Variants in SKAP1 observed in about 807,000 individuals in gnomAD.
SKAP1 encodes src kinase associated phosphoprotein 1.
Under a neutral mutation model 58.5 loss-of-function variants are expected in SKAP1, and 44 were observed. The ratio of observed to expected loss-of-function variants is 0.75; its 90% confidence interval spans 0.59 to 0.97. The LOEUF (loss-of-function observed/expected upper bound fraction) is 0.97, where lower values mean the gene tolerates loss of function less well. Among genes scored for constraint, SKAP1 ranks in the 50% least tolerant of loss-of-function variants. The probability of loss-of-function intolerance (pLI) is 0.00; values close to 1 mark genes in which losing one functional copy is unlikely to be tolerated. For synonymous variants in SKAP1, 127 were observed against 149.7 expected (o/e 0.85, Z 1.11); for missense variants, 390 against 435.2 (o/e 0.90, Z 0.92).
chr17:48,271,198 G>T (rs2065627858), intron 4 of SKAP1, among the ~76,000 whole-genome samples: 1 of 151,874 alleles, frequency 6.6e-6, no homozygotes, highest in Non-Finnish European at 1.5e-5. Flanking sequence ...ACTTTTTTAG[G>T]CTGGCCTAAG....
chr17:48,203,889 A>T (rs972545716), intron 4 of SKAP1: 4 of 152,206 alleles, frequency 2.6e-5, no homozygotes, highest in Admixed American at 6.5e-5. Flanking sequence ...TTACAACAGT[A>T]ACATGATAAT....
chr17:48,180,956 T>C (rs2064359677), intron 8 of SKAP1, among the ~76,000 whole-genome samples: 1 of 151,746 alleles, frequency 6.6e-6, no homozygotes, highest in Admixed American at 6.6e-5. Flanking sequence ...GGGAGGGAGA[T>C]TGGTTTTTTA....
chr17:48,248,876 T>C (rs2065328587), intron 4 of SKAP1: 1 of 152,080 alleles, frequency 6.6e-6, no homozygotes. Context: ...TCATGTTATG[T>C]CTTAACATAC....
chr17:48,283,278 T>C (rs995237263), intron 4 of SKAP1, among the ~76,000 whole-genome samples: 8 of 152,136 alleles, frequency 5.3e-5, no homozygotes, highest in African/African-American at 1.7e-4. Context: ...AGGGAAGACA[T>C]GTTTAAAGTT....
At chr17:48,273,704 C>A (rs72827806) in intron 4 of SKAP1, among the ~76,000 whole-genome samples, 12,742 of 152,216 alleles carry the variant, frequency 0.084, 692 homozygotes, top group East Asian at 0.2. Flanking sequence ...CAGGGCTAAG[C>A]CACCGTGCCC....
intron 4 of SKAP1, among the ~76,000 whole-genome samples, chr17:48,283,767 C>T (rs2065796770): frequency 6.6e-6 from 1 of 152,164 alleles, no homozygotes; most frequent in South Asian, 2.1e-4. Flanking sequence ...ACAATGTGCT[C>T]TCAGTCTGCC....
intron 4 of SKAP1, among the ~76,000 whole-genome samples, chr17:48,254,533 A>C (rs1160726956): frequency 6.6e-6 from 1 of 151,918 alleles, no homozygotes. Flanking sequence ...GTTAAAGAGA[A>C]ACAAAAGAAT....
chr17:48,358,130 T>TA (rs145356912), intron 3 of SKAP1, among the ~76,000 whole-genome samples: 5,380 of 152,320 alleles, frequency 0.035, 137 homozygotes, highest in Non-Finnish European at 0.054. Flanking sequence ...GGTGGAAAGA[T>TA]ACTTAACAAT....
At chr17:48,283,883 T>C (rs753733661) in intron 4 of SKAP1, among the ~76,000 whole-genome samples, 2 of 152,208 alleles carry the variant, frequency 1.3e-5, no homozygotes, top group Non-Finnish European at 2.9e-5. Flanking sequence ...CTTCCCTCCC[T>C]GATTAATGTC....
chr17:48,273,676 C>T (rs1436929810), intron 4 of SKAP1, among the ~76,000 whole-genome samples: 1 of 152,160 alleles, frequency 6.6e-6, no homozygotes, highest in East Asian at 1.9e-4. Flanking sequence ...ACCTCGGCCC[C>T]CCAAAGTGCT....
chr17:48,312,005 A>C (rs1267171322), intron 4 of SKAP1, among the ~76,000 whole-genome samples: 1 of 152,192 alleles, frequency 6.6e-6, no homozygotes, highest in African/African-American at 2.4e-5. Flanking sequence ...TTTCTACAAA[A>C]ATCTTTCTAA....
chr17:48,376,753 C>A (rs1336776398), intron 2 of SKAP1, among the ~76,000 whole-genome samples: 1 of 152,212 alleles, frequency 6.6e-6, no homozygotes, highest in Non-Finnish European at 1.5e-5. Flanking sequence ...GAAAACCCAA[C>A]TGTGGACCAG....
chr17:48,196,088 T>G (rs1470113554), intron 4 of SKAP1, among the ~76,000 whole-genome samples: 2 of 152,228 alleles, frequency 1.3e-5, no homozygotes, highest in Non-Finnish European at 2.9e-5. Flanking sequence ...CTATGAGGCA[T>G]GTTTTATTAT....
intron 1 of SKAP1, among the ~76,000 whole-genome samples, chr17:48,421,097 T>C (rs1283980521): frequency 1.3e-5 from 2 of 152,094 alleles, no homozygotes; most frequent in African/African-American, 4.8e-5. Flanking sequence ...GCTGTGAACT[T>C]CCATGGGGAG....
chr17:48,195,906 C>CA (rs559986931), intron 4 of SKAP1, among the ~76,000 whole-genome samples: 6 of 150,632 alleles, frequency 4.0e-5, no homozygotes, highest in Admixed American at 1.3e-4. Context: ...ATACTGAAGA[C>CA]AAAAAAAACC....
At chr17:48,389,858 A>G (rs1490614435) in intron 2 of SKAP1, among the ~76,000 whole-genome samples, 1 of 152,212 alleles carries the variant, frequency 6.6e-6, no homozygotes, top group Non-Finnish European at 1.5e-5. Context: ...TTCCTGCATC[A>G]CATTCCAAAT....
intron 4 of SKAP1, among the ~76,000 whole-genome samples, chr17:48,314,863 T>C (rs2066268388): frequency 6.6e-6 from 1 of 152,220 alleles, no homozygotes; most frequent in South Asian, 2.1e-4. Flanking sequence ...GTTTCTTTGA[T>C]GAAAGCAACA....
intron 2 of SKAP1, among the ~76,000 whole-genome samples, chr17:48,364,937 G>A (rs2066983560): frequency 6.6e-6 from 1 of 151,426 alleles, no homozygotes; most frequent in Non-Finnish European, 1.5e-5. Flanking sequence ...AAGCTGGAAT[G>A]CAATGGCATG....
intron 11 of SKAP1, among the ~76,000 whole-genome samples, chr17:48,154,079 G>A (rs982508108): frequency 6.6e-6 from 1 of 152,156 alleles, no homozygotes. Flanking sequence ...CAAGGGAGGG[G>A]AAAGGTCTCC....
Sources: gnomAD v4.1 joint callset for allele counts (sites outside exome capture counted in the v4.1 genomes callset) on GRCh38, gnomAD v4.1.1 for gene constraint, MANE v1.5 for transcripts, NCBI Gene and HGNC (gene_info 2026-07-23, HGNC 2026-07-21) for gene names.